ADAMTS12: variants seen among roughly 807,000 people sequenced by gnomAD.
ADAMTS12 encodes ADAM metallopeptidase with thrombospondin type 1 motif 12.
A neutral mutation model predicts 167.8 loss-of-function variants in ADAMTS12; 118 were observed. The ratio of observed to expected loss-of-function variants is 0.70; its 90% CI spans 0.61 to 0.82. The LOEUF (loss-of-function observed/expected upper bound fraction) is 0.82. ADAMTS12 is among the 40% of genes least tolerant of loss of function. The pLI, the probability that ADAMTS12 is intolerant of heterozygous loss-of-function variation, is 0.00. For synonymous variants in ADAMTS12, 704 were observed against 716.9 expected, an observed-to-expected ratio of 0.98 and a Z score of 0.29; for missense variants, 1,916 against 1,998.8, an observed-to-expected ratio of 0.96 and a Z score of 0.79.
intron 3 of ADAMTS12, among the ~76,000 whole-genome samples, chr5:33,695,566 G>A (rs186063877): frequency 6.6e-6 from 1 of 152,180 alleles, no homozygotes; most frequent in African/African-American, 2.4e-5. Context: ...TCTTGAGGAT[G>A]TTATACTAAG....
At chr5:33,703,567 C>T (rs1434192072) in intron 3 of ADAMTS12, among the ~76,000 whole-genome samples, 2 of 152,154 alleles carry the variant, frequency 1.3e-5, no homozygotes, top group East Asian at 1.9e-4. Flanking sequence ...CTTCCTCCCC[C>T]CAATCCTCTG....
chr5:33,803,862 T>C (rs955561006), intron 2 of ADAMTS12, among the ~76,000 whole-genome samples: 4 of 152,262 alleles, frequency 2.6e-5, no homozygotes, highest in Admixed American at 6.5e-5. Flanking sequence ...CATGATTCAA[T>C]TACCTCCTAT....
chr5:33,582,020 A>G lies in ADAMTS12; in HGVS notation c.2866-4860T>C, dbSNP rs1014857115. On this transcript the variant is annotated intron_variant, in intron 18 of 23. Transcript: ENST00000504830. ...GCTTTCAGAAGGAATTCACTTTGCC[A>G]ACACCTTGACCTTGGATTTGTAGCT... 4.2e-4 allele frequency among the ~76,000 whole-genome samples: 64 copies of G among 152,338 alleles called. 1 individual carries two copies. The highest frequency in any genetic ancestry group is 1.4e-3 in the African/African-American group (59 of 41,576).
intron 3 of ADAMTS12, among the ~76,000 whole-genome samples, chr5:33,708,386 G>A (rs1282408220): frequency 6.6e-6 from 1 of 152,160 alleles, no homozygotes; most frequent in Admixed American, 6.5e-5. Flanking sequence ...AAGACAGTGT[G>A]GAGATTCCTC....
chr5:33,889,269 C>T (rs1439493728), intron 1 of ADAMTS12, among the ~76,000 whole-genome samples: 7 of 150,924 alleles, frequency 4.6e-5, no homozygotes, highest in Non-Finnish European at 8.8e-5. Context: ...GACAACATAG[C>T]TAGACCTCAT....
intron 2 of ADAMTS12, among the ~76,000 whole-genome samples, chr5:33,879,012 GTGGAGGAA>G: frequency 6.6e-6 from 1 of 152,272 alleles, no homozygotes; most frequent in South Asian, 2.1e-4. Flanking sequence ...TTCCCTAGGA[GTGGAGGAA>G]TGGGGGAATG....
At chr5:33,797,903 TG>T (rs1467575078) in intron 2 of ADAMTS12, among the ~76,000 whole-genome samples, 1 of 152,202 alleles carries the variant, frequency 6.6e-6, no homozygotes, top group Non-Finnish European at 1.5e-5. Context: ...AATTTTCTAA[TG>T]TCTGTAGCAA....
chr5:33,644,738 CT>C (rs33961870), intron 9 of ADAMTS12, among the ~76,000 whole-genome samples: 75,345 of 146,766 alleles, frequency 0.51, 19,335 homozygotes, highest in East Asian at 0.66. Flanking sequence ...TGAAGGGTGG[CT>C]TTTTTTTTTT....
chr5:33,535,903 C>G (rs1466823765), intron 22 of ADAMTS12, among the ~76,000 whole-genome samples: 3 of 152,062 alleles, frequency 2.0e-5, no homozygotes, highest in African/African-American at 7.2e-5. Context: ...AGCAGAGCAA[C>G]AGCGGACCCA....
intron 2 of ADAMTS12, among the ~76,000 whole-genome samples, chr5:33,869,822 A>C (rs1349205303): frequency 6.6e-6 from 1 of 152,206 alleles, no homozygotes; most frequent in Non-Finnish European, 1.5e-5. Flanking sequence ...AACTGGTCTG[A>C]CTAAAATTTA....
At chr5:33,735,406 A>G (rs573839829) in intron 3 of ADAMTS12, among the ~76,000 whole-genome samples, 1 of 152,368 alleles carries the variant, frequency 6.6e-6, no homozygotes, top group Non-Finnish European at 1.5e-5. Context: ...AGGGCCAGAT[A>G]GTAAATGTTT....
chr5:33,843,165 T>C (rs1748806608), intron 2 of ADAMTS12, among the ~76,000 whole-genome samples: 1 of 152,084 alleles, frequency 6.6e-6, no homozygotes. Context: ...AGAGGAGAGC[T>C]GAGGTGGACT....
chr5:33,884,121 T>C (rs1750556456), intron 1 of ADAMTS12, among the ~76,000 whole-genome samples: 1 of 152,222 alleles, frequency 6.6e-6, no homozygotes. Flanking sequence ...ACATGCTGAC[T>C]GGCGCCTTCT....
intron 2 of ADAMTS12, among the ~76,000 whole-genome samples, chr5:33,834,612 A>G (rs961510076): frequency 6.6e-6 from 1 of 152,066 alleles, no homozygotes; most frequent in African/African-American, 2.4e-5. Flanking sequence ...ATGAATCCCC[A>G]CTGGAGGAGT....
chr5:33,715,238 G>A (rs1033937302), intron 3 of ADAMTS12, among the ~76,000 whole-genome samples: 2 of 151,994 alleles, frequency 1.3e-5, no homozygotes, highest in African/African-American at 4.8e-5. Context: ...TATGGAACAA[G>A]GGTTGAGCTT....
intron 3 of ADAMTS12, among the ~76,000 whole-genome samples, chr5:33,718,496 G>T (rs1006201935): frequency 1.3e-5 from 2 of 152,142 alleles, no homozygotes; most frequent in Non-Finnish European, 2.9e-5. Flanking sequence ...TAGGTTGTGT[G>T]CTCCTTATGA....
rs541946581 is a variant in ADAMTS12, at chr5:33,665,330, T to C, written c.916-3290A>G. 6.6e-5 allele frequency among the ~76,000 whole-genome samples: 10 copies of C among 152,294 alleles called. No homozygotes were observed. The East Asian group carries it at 1.7e-3, about 26-fold the overall frequency. ...GATCTATTGTACAACATGGTGACTG[T>C]CATTAATAACAATGTACTGTACTGT... On this transcript the variant is annotated intron_variant, in intron 5 of 23. Coordinates refer to ENST00000504830, the MANE Select transcript of ADAMTS12 (RefSeq NM_030955.4).
intron 1 of ADAMTS12, among the ~76,000 whole-genome samples, chr5:33,891,354 C>T (rs1750842826): frequency 6.6e-6 from 1 of 151,434 alleles, no homozygotes; most frequent in Non-Finnish European, 1.5e-5. Context: ...CGGCCAGTAG[C>T]CAGTTAGCAC....
intron 3 of ADAMTS12, among the ~76,000 whole-genome samples, chr5:33,720,783 A>G (rs1579872460): frequency 6.6e-6 from 1 of 152,254 alleles, no homozygotes; most frequent in Admixed American, 6.5e-5. Context: ...TGCAAAACTG[A>G]CAGTTTCAAC....
Sources: allele counts gnomAD v4.1 joint callset (sites outside exome capture counted in the v4.1 genomes callset), GRCh38; gene constraint gnomAD v4.1.1; transcripts MANE v1.5; gene names NCBI Gene and HGNC (gene_info 2026-07-23, HGNC 2026-07-21).